Variants in CALCOCO2 observed in about 807,000 individuals in gnomAD.
The protein encoded by CALCOCO2 is calcium-binding and coiled-coil domain-containing protein 2.
Under a neutral mutation model 62.5 loss-of-function variants are expected in CALCOCO2, and 42 were observed. That is an observed-to-expected ratio of 0.67 (90% CI 0.53 to 0.87). The LOEUF (loss-of-function observed/expected upper bound fraction) is 0.87. Among genes scored for constraint, CALCOCO2 ranks in the 40% least tolerant of loss-of-function variants. The pLI, the probability that CALCOCO2 is intolerant of heterozygous loss-of-function variation, is 0.00. For missense variants in CALCOCO2, 456 were observed against 515.0 expected (o/e 0.89, Z 1.11); for synonymous variants, 167 against 173.0 (o/e 0.97, Z 0.27).
intron 5 of CALCOCO2, 66 bp from the exon 6 acceptor site, chr17:48,851,023 T>C (rs762350934): frequency 2.4e-6 from 2 of 846,028 alleles, no homozygotes; most frequent in Non-Finnish European, 4.1e-6. Context: ...ATTTGTTGCC[T>C]GCCTAAGATA....
chr17:48,845,097 C>A (rs1161402917), intron 2 of CALCOCO2, among the ~76,000 whole-genome samples: 1 of 151,596 alleles, frequency 6.6e-6, no homozygotes, highest in East Asian at 2.0e-4. Context: ...GATTATGCCA[C>A]TGCACTCCAG....
intron 9 of CALCOCO2, 49 bp from the exon 10 acceptor site, chr17:48,856,043 C>A: frequency 1.1e-6 from 1 of 927,936 alleles, no homozygotes; most frequent in Non-Finnish European, 1.7e-6. Context: ...CACCTTGTAC[C>A]CAGACTGCAA....
intron 11 of CALCOCO2, among the ~76,000 whole-genome samples, chr17:48,861,661 G>GTGTATATATATATATATATATATATA (rs573456839): frequency 6.7e-5 from 9 of 135,132 alleles, no homozygotes; most frequent in African/African-American, 2.6e-4. Flanking sequence ...ATGTGTGTGT[G>GTGTATATATATATATATATATATATA]TATATATATA....
At chr17:48,855,594 TG>T (rs1270421317) in intron 9 of CALCOCO2, among the ~76,000 whole-genome samples, 1 of 152,170 alleles carries the variant, frequency 6.6e-6, no homozygotes, top group Non-Finnish European at 1.5e-5. Context: ...CTTGTATCCT[TG>T]GACAAATGCC....
At chr17:48,831,860 G>A (rs1015578384) in intron 1 of CALCOCO2, 5 of 152,246 alleles carry the variant, frequency 3.3e-5, no homozygotes, top group African/African-American at 1.2e-4. Flanking sequence ...ACCATTGCAA[G>A]TAAAGGACTT....
chr17:48,842,795 C>T (rs1408793726), intron 2 of CALCOCO2: 1 of 152,110 alleles, frequency 6.6e-6, no homozygotes, highest in African/African-American at 2.4e-5. Flanking sequence ...CGAATGCCAC[C>T]ACACCCTGCT....
At chr17:48,857,998 A>T (rs148888436) in intron 10 of CALCOCO2, among the ~76,000 whole-genome samples, 1,426 of 22,532 alleles carry the variant, frequency 0.063, 69 homozygotes, top group African/African-American at 0.13. Flanking sequence ...AGAATAGAAT[A>T]GAATAGAATA....
chr17:48,859,231 T>C (rs767912992), intron 10 of CALCOCO2, among the ~76,000 whole-genome samples: 15 of 152,130 alleles, frequency 9.9e-5, no homozygotes, highest in Non-Finnish European at 1.3e-4. Flanking sequence ...TGTGTTGATA[T>C]ATCCATTTGA....
At chr17:48,849,745 C>G (rs1398813660) in intron 5 of CALCOCO2, among the ~76,000 whole-genome samples, 4 of 151,888 alleles carry the variant, frequency 2.6e-5, no homozygotes, top group African/African-American at 9.7e-5. Flanking sequence ...CTCAGGTGAT[C>G]CACTCGCCTG....
intron 5 of CALCOCO2, 40 bp downstream of exon 5, chr17:48,849,417 T>A: frequency 6.3e-7 from 1 of 1,587,808 alleles, no homozygotes; most frequent in Non-Finnish European, 8.6e-7. Flanking sequence ...AGCATGGAGA[T>A]CAGAATTGGA....
At chr17:48,835,050 CA>C (rs576552986) in intron 1 of CALCOCO2, among the ~76,000 whole-genome samples, 17,160 of 147,326 alleles carry the variant, frequency 0.12, 1,757 homozygotes, top group African/African-American at 0.29. Flanking sequence ...TGCCCCCCCG[CA>C]AAAAAAATAA....
At chr17:48,838,718 A>AT (rs1555571935) in intron 1 of CALCOCO2, among the ~76,000 whole-genome samples, 5 of 151,156 alleles carry the variant, frequency 3.3e-5, no homozygotes, top group Middle Eastern at 6.8e-3. Context: ...TGTCTTAAAA[A>AT]ATATATATAT....
At chr17:48,841,654 G>C (rs1012532680) in intron 1 of CALCOCO2, 44 bp from the exon 2 acceptor site, 26 of 1,371,234 alleles carry the variant, frequency 1.9e-5, no homozygotes, top group Non-Finnish European at 2.6e-5. Context: ...CAACATTTCA[G>C]ACAATGCTTT....
intron 2 of CALCOCO2, chr17:48,842,154 C>CT (rs200836727): frequency 0.29 from 39,677 of 134,842 alleles, 7,257 homozygotes; most frequent in Non-Finnish European, 0.42. Flanking sequence ...TTTTTCTTTT[C>CT]TTTTTTTTTT....
Position 48,841,797 on chromosome 17 carries a change from G to T in CALCOCO2, c.90G>T (p.Lys30Asn). Reference protein sequence around the residue: ...FSQVIFNSVEKFYIPGGDVTC... With the variant: ...FSQVIFNSVENFYIPGGDVTC... ...AGGTCATCTTTAACAGTGTGGAGAA[G>T]TTCTACATCCCTGGAGGGGACGTCA... The change falls in exon 2 of 13, where the codon AAG (lysine) becomes AAT (asparagine). Residue 30 changes from lysine to asparagine, a missense_variant. Lys to Asn is a moderately conservative substitution (Grantham distance 94). Around this residue, in one of 3 missense-constraint regions of CALCOCO2, gnomAD observed 48 missense variants for 79.3 expected, o/e 0.61. Coordinates refer to ENST00000258947, the MANE Select transcript of CALCOCO2 (RefSeq NM_005831.5). The T allele has an allele frequency of 6.2e-7, 1 of 1,613,514 alleles. No individual in the cohort carries two copies. The highest frequency in any genetic ancestry group is 8.5e-7 in the Non-Finnish European group (1 of 1,179,504).
rs575955991 is a variant in CALCOCO2 at position 48,849,599 on chromosome 17, A to G, written c.543+222A>G. Among the ~76,000 whole-genome samples, 10 of 152,100 alleles carry G rather than the reference A, an allele frequency of 6.6e-5. No homozygotes were observed. In the South Asian group the frequency reaches 1.9e-3, roughly 28 times the overall value. ...TGGCTCACTGCAACCCCCATCTCCC[A>G]GGTTCAAGCGATTCTCCTGCCTCAG... On this transcript the variant is annotated intron_variant, in intron 5 of 12. Coordinates refer to ENST00000258947, the MANE Select transcript of CALCOCO2 (RefSeq NM_005831.5).
At position 48,853,193 on chromosome 17, in the gene CALCOCO2, T is replaced by C. The variant is rs181679791; in HGVS notation, c.912+181T>C. ...TTTATAAAATGTTTAGAAGTGGGCATTTCTAATATGTGATAAGTAATAAAG... is the reference window on the plus strand; with the variant it reads ...TTTATAAAATGTTTAGAAGTGGGCACTTCTAATATGTGATAAGTAATAAAG... On this transcript the variant is annotated intron_variant, in intron 9 of 12. Coordinates refer to ENST00000258947, the MANE Select transcript of CALCOCO2 (RefSeq NM_005831.5). 579 of 550,862 alleles carry C rather than the reference T, an allele frequency of 1.1e-3. 1 individual carries two copies. Among genetic ancestry groups the C allele is most frequent in the Non-Finnish European group, 1.4e-3 (442 of 309,946 alleles). The allele number at this position is 550,862 out of a possible 1,614,324, so 34.1% of individuals were successfully genotyped here.
chr17:48,845,739 AAAAAAG>A lies in CALCOCO2; in HGVS notation c.181-2320_181-2315del, dbSNP rs1246741501. Among the ~76,000 whole-genome samples the A allele has an allele frequency of 8.6e-4, 130 of 151,610 alleles. 1 individual carries two copies. The highest frequency in any genetic ancestry group is 3.1e-3 in the African/African-American group (129 of 41,404). On this transcript the variant is annotated intron_variant, in intron 2 of 12. Transcript: ENST00000258947. ...GCGAGACTCCATCTCAAAAAAAAAA[AAAAAAG>A]AAAAGAAAAGAAAGAAAAATTCTCA...
Position 48,856,164 on chromosome 17 carries a change from G to A in CALCOCO2, c.985G>A (p.Glu329Lys). 4.4e-6 allele frequency: 7 copies of A among 1,597,884 alleles called. No individual in the cohort carries two copies. The highest frequency in any genetic ancestry group is 6.0e-6 in the Non-Finnish European group (7 of 1,166,292). Residue 329 changes from glutamate to lysine, a missense_variant, in exon 10 of 13, where the codon GAG (glutamate) becomes AAG (lysine). Transcript: ENST00000258947. ...IICNALQRQK[E>K]RLEGENDLLK... Reference sequence around the variant, plus strand: ...ATGTAATGCTCTGCAGAGACAGAAAGAGAGATTGGAAGGAGAAAATGATGT... The same window carrying A: ...ATGTAATGCTCTGCAGAGACAGAAAAAGAGATTGGAAGGAGAAAATGATGT...
Sources: allele counts gnomAD v4.1 joint callset (sites outside exome capture counted in the v4.1 genomes callset), GRCh38; gene constraint gnomAD v4.1.1; regional missense constraint gnomAD v4.1.1; transcripts MANE v1.5; gene names NCBI Gene and HGNC (gene_info 2026-07-23, HGNC 2026-07-21).